KCNS3: variants seen among roughly 807,000 people sequenced by gnomAD.
The protein encoded by KCNS3 is potassium voltage-gated channel modifier subfamily S member 3.
A neutral mutation model predicts 31.0 loss-of-function variants in KCNS3; 13 were observed. The observed-to-expected ratio is 0.42, with a 90% CI of 0.27 to 0.67. KCNS3 has a LOEUF of 0.67. Among genes scored for constraint, KCNS3 ranks in the 30% least tolerant of loss-of-function variants. The pLI is 0.25. For synonymous variants in KCNS3, 238 were observed against 241.5 expected, an observed-to-expected ratio of 0.99 and a Z score of 0.13; for missense variants, 545 against 622.4, an observed-to-expected ratio of 0.88 and a Z score of 1.32.
chr2:17,902,715 A>T (rs375056357), intron 1 of KCNS3, among the ~76,000 whole-genome samples: 1 of 152,204 alleles, frequency 6.6e-6, no homozygotes, highest in African/African-American at 2.4e-5. Context: ...AGCAGTGTTA[A>T]TGTGGTGATT....
chr2:17,924,347 T>A (rs1442293246), intron 2 of KCNS3, among the ~76,000 whole-genome samples: 3 of 152,118 alleles, frequency 2.0e-5, no homozygotes, highest in Admixed American at 2.0e-4. Flanking sequence ...GCATTTTCTT[T>A]CTTTTCTTTG....
chr2:17,921,915 GTATATATATA>G (rs56064218), intron 2 of KCNS3, among the ~76,000 whole-genome samples: 32 of 32,808 alleles, frequency 9.8e-4, no homozygotes, highest in East Asian at 1.3e-3. Context: ...GTGTGTGTGT[GTATATATATA>G]TATATATATA....
At chr2:17,880,084 A>G (rs1674609752) in intron 1 of KCNS3, among the ~76,000 whole-genome samples, 1 of 152,198 alleles carries the variant, frequency 6.6e-6, no homozygotes, top group South Asian at 2.1e-4. Context: ...GGAACTGTGT[A>G]AGTCACTCCT....
chr2:17,899,716 G>C (rs969038746), intron 1 of KCNS3, among the ~76,000 whole-genome samples: 1 of 152,154 alleles, frequency 6.6e-6, no homozygotes, highest in Admixed American at 6.5e-5. Context: ...ACTATATAAA[G>C]GTTTTCCAGA....
chr2:17,888,639 A>ATCTATCTATC lies in KCNS3; in HGVS notation c.-252+9834_-252+9835insCTATCTATCT, dbSNP rs1421769108. Among the ~76,000 whole-genome samples, 9 of 75,326 alleles carry ATCTATCTATC rather than the reference A, an allele frequency of 1.2e-4. No individual in the cohort carries two copies. The East Asian group carries it at 2.6e-3, about 22-fold the overall frequency. The allele number at this position is 75,326 out of a possible 152,430, so 49.4% of individuals were successfully genotyped here. On this transcript the variant is annotated intron_variant, in intron 1 of 2. Coordinates refer to ENST00000304101, the MANE Select transcript of KCNS3 (RefSeq NM_002252.5). ...TATAATAAAAAAAATGTATATATAT[A>ATCTATCTATC]TATATATATATATATATATATATAT...
chr2:17,886,914 G>C (rs1380973075), intron 1 of KCNS3, among the ~76,000 whole-genome samples: 1 of 149,012 alleles, frequency 6.7e-6, no homozygotes, highest in Non-Finnish European at 1.5e-5. Flanking sequence ...TCTTGTGAAA[G>C]TTTATGCAAA....
intron 2 of KCNS3, among the ~76,000 whole-genome samples, chr2:17,925,990 G>A (rs1662829076): frequency 6.6e-6 from 1 of 152,204 alleles, no homozygotes. Context: ...TTACTACCAA[G>A]ATACAATGGG....
chr2:17,912,924 C>T (rs1432614521), intron 1 of KCNS3, among the ~76,000 whole-genome samples: 1 of 152,118 alleles, frequency 6.6e-6, no homozygotes, highest in Non-Finnish European at 1.5e-5. Flanking sequence ...CAAGGATTTG[C>T]CATATTAACT....
chr2:17,899,938 G>A (rs1216905679), intron 1 of KCNS3, among the ~76,000 whole-genome samples: 1 of 152,138 alleles, frequency 6.6e-6, no homozygotes, highest in East Asian at 1.9e-4. Context: ...GAATTTAAGG[G>A]CATGAGCCTG....
chr2:17,892,250 A>G (rs888041531), intron 1 of KCNS3, among the ~76,000 whole-genome samples: 2 of 151,204 alleles, frequency 1.3e-5, no homozygotes, highest in Admixed American at 1.3e-4. Flanking sequence ...TCACATTTCT[A>G]AAAGTGGGTC....
intron 2 of KCNS3, among the ~76,000 whole-genome samples, chr2:17,927,475 C>T (rs192174504): frequency 3.0e-4 from 45 of 152,312 alleles, no homozygotes; most frequent in Admixed American, 2.6e-3. Flanking sequence ...GCTATAAAGA[C>T]ATACACAAGA....
chr2:17,886,742 G>GTCCATCCATCCATCCA (rs35391429), intron 1 of KCNS3, among the ~76,000 whole-genome samples: 126 of 146,932 alleles, frequency 8.6e-4, no homozygotes, highest in African/African-American at 2.3e-3. Flanking sequence ...CCATTTAAAT[G>GTCCATCCATCCATCCA]TCCATCCATC....
At chr2:17,894,435 G>A (rs1003796239) in intron 1 of KCNS3, among the ~76,000 whole-genome samples, 4 of 152,182 alleles carry the variant, frequency 2.6e-5, no homozygotes, top group African/African-American at 4.8e-5. Context: ...AACCACAAAA[G>A]AGCATATTAT....
At position 17,932,440 on chromosome 2, in the gene KCNS3, G is replaced by A. The variant is rs1663025169; in HGVS notation, c.1432G>A (p.Asp478Asn). 6.2e-7 allele frequency: 1 copy of A among 1,613,706 alleles called. No individual in the cohort carries two copies. The highest frequency in any genetic ancestry group is 1.3e-5 in the African/African-American group (1 of 74,910). ...TGCTTCAAGCATTGAAGACAATGAGGACATTTGTAACACCACCTCCTTGGA... is the reference window on the plus strand; with the variant it reads ...TGCTTCAAGCATTGAAGACAATGAGAACATTTGTAACACCACCTCCTTGGA... ...TDASSIEDNEDICNTTSLENC... is the reference protein window; with the variant it reads ...TDASSIEDNENICNTTSLENC... The change falls in exon 3 of 3, where the codon GAC becomes AAC. Residue 478 changes from aspartate (D) to asparagine (N), a missense_variant. Physicochemically the swap from Asp to Asn is conservative, Grantham distance 23 (BLOSUM62 1). Transcript: ENST00000304101.
At chr2:17,885,732 C>CA (rs1369440769) in intron 1 of KCNS3, among the ~76,000 whole-genome samples, 1 of 152,206 alleles carries the variant, frequency 6.6e-6, no homozygotes, top group African/African-American at 2.4e-5. Flanking sequence ...CTGCTTTACT[C>CA]AAAGTCTACC....
intron 1 of KCNS3, among the ~76,000 whole-genome samples, chr2:17,890,468 G>C (rs1019672186): frequency 1.3e-5 from 2 of 151,564 alleles, no homozygotes; most frequent in African/African-American, 2.4e-5. Flanking sequence ...TTCTGCGGGG[G>C]TTGGGTTTGG....
intron 2 of KCNS3, among the ~76,000 whole-genome samples, chr2:17,927,019 G>A (rs1662854911): frequency 6.6e-6 from 1 of 152,176 alleles, no homozygotes; most frequent in Non-Finnish European, 1.5e-5. Flanking sequence ...GCATAAAACA[G>A]AATGCTTTTA....
intron 1 of KCNS3, among the ~76,000 whole-genome samples, chr2:17,886,779 T>TCCATCCAC (rs1553341189): frequency 4.0e-5 from 6 of 151,058 alleles, no homozygotes; most frequent in African/African-American, 1.5e-4. Flanking sequence ...CATCCATCCA[T>TCCATCCAC]CCACCCACCC....
At chr2:17,900,930 T>A (rs1662159044) in intron 1 of KCNS3, among the ~76,000 whole-genome samples, 1 of 152,222 alleles carries the variant, frequency 6.6e-6, no homozygotes, top group East Asian at 1.9e-4. Context: ...CAGAGTGTTT[T>A]ATTTGTATTA....
Sources: gnomAD v4.1 joint callset for allele counts (sites outside exome capture counted in the v4.1 genomes callset) on GRCh38, gnomAD v4.1.1 for gene constraint, MANE v1.5 for transcripts, NCBI Gene and HGNC (gene_info 2026-07-23, HGNC 2026-07-21) for gene names.